Variants in FGF14 observed in about 807,000 individuals in gnomAD.
FGF14 encodes the protein fibroblast growth factor homologous factor 4.
FGF14 carries 5 observed loss-of-function variants against 25.5 expected under a neutral mutation model. The observed-to-expected ratio is 0.20, with a 90% CI of 0.10 to 0.41. The LOEUF (loss-of-function observed/expected upper bound fraction) is 0.41, where lower values mean the gene tolerates loss of function less well. Among genes scored for constraint, FGF14 ranks in the 10% least tolerant of loss-of-function variants. FGF14 has a pLI of 1.00. For missense variants in FGF14, 222 were observed against 320.1 expected (o/e 0.69, Z 2.34); for synonymous variants, 138 against 118.3 (o/e 1.17, Z -1.08).
chr13:101,910,224 C>T (rs2139067135), intron 1 of FGF14, among the ~76,000 whole-genome samples: 1 of 151,788 alleles, frequency 6.6e-6, no homozygotes, highest in Middle Eastern at 3.4e-3. Context: ...GCACATGTAC[C>T]CTAAAACATA....
intron 1 of FGF14, among the ~76,000 whole-genome samples, chr13:102,048,679 C>T (rs2042095774): frequency 6.6e-6 from 1 of 152,106 alleles, no homozygotes; most frequent in African/African-American, 2.4e-5. Context: ...AAGGAGCAGG[C>T]CCATGCTATT....
intron 1 of FGF14, among the ~76,000 whole-genome samples, chr13:102,160,035 A>G (rs2047550004): frequency 1.3e-5 from 2 of 152,160 alleles, no homozygotes; most frequent in South Asian, 4.1e-4. Context: ...CTCATCTCTT[A>G]TTCAAGGCTG....
intron 1 of FGF14, among the ~76,000 whole-genome samples, chr13:101,980,007 C>A (rs1594893475): frequency 1.3e-5 from 2 of 152,276 alleles, no homozygotes; most frequent in Middle Eastern, 6.8e-3. Flanking sequence ...GTGAGGCAAC[C>A]AATACCATTT....
chr13:102,343,813 G>A (rs573349811), intron 1 of FGF14, among the ~76,000 whole-genome samples: 1 of 152,234 alleles, frequency 6.6e-6, no homozygotes, highest in African/African-American at 2.4e-5. Flanking sequence ...AAAAAGAAAA[G>A]CCATTCAAGG....
chr13:102,091,765 G>A (rs1458808259), intron 1 of FGF14, among the ~76,000 whole-genome samples: 1 of 152,066 alleles, frequency 6.6e-6, no homozygotes, highest in Admixed American at 6.5e-5. Context: ...GCTTCCTGAA[G>A]TTGCTACTTC....
intron 1 of FGF14, among the ~76,000 whole-genome samples, chr13:102,093,131 T>A (rs1032926268): frequency 6.6e-6 from 1 of 152,088 alleles, no homozygotes; most frequent in Non-Finnish European, 1.5e-5. Flanking sequence ...ATTAGAAAAA[T>A]TTGTGGAGAT....
chr13:101,856,852 T>G (rs1334975961), intron 3 of FGF14, among the ~76,000 whole-genome samples: 1 of 152,024 alleles, frequency 6.6e-6, no homozygotes, highest in African/African-American at 2.4e-5. Context: ...CCGATACTTT[T>G]GAACCATAAC....
At chr13:101,968,736 A>C (rs1176376037) in intron 1 of FGF14, among the ~76,000 whole-genome samples, 1 of 151,978 alleles carries the variant, frequency 6.6e-6, no homozygotes, top group African/African-American at 2.4e-5. Context: ...GAATACCACA[A>C]TTACAAAAGT....
At chr13:101,886,902 G>T (rs2046016593) in intron 1 of FGF14, among the ~76,000 whole-genome samples, 1 of 152,020 alleles carries the variant, frequency 6.6e-6, no homozygotes, top group Admixed American at 6.6e-5. Context: ...AGACATTCTT[G>T]AAAGAAGACA....
At chr13:101,997,655 C>T (rs193059569) in intron 1 of FGF14, among the ~76,000 whole-genome samples, 16 of 152,102 alleles carry the variant, frequency 1.1e-4, no homozygotes, top group African/African-American at 3.4e-4. Flanking sequence ...GTTGCTAGTC[C>T]GGGGAGCACA....
intron 3 of FGF14, among the ~76,000 whole-genome samples, chr13:101,754,670 A>G (rs1021856421): frequency 4.0e-5 from 6 of 151,766 alleles, no homozygotes; most frequent in Admixed American, 3.9e-4. Context: ...CGGAGATTGC[A>G]GTGACCCGAG....
chr13:102,072,442 G>A (rs553369108), intron 1 of FGF14, among the ~76,000 whole-genome samples: 4 of 152,106 alleles, frequency 2.6e-5, no homozygotes, highest in Non-Finnish European at 4.4e-5. Flanking sequence ...GAATCATCAA[G>A]AACAAAAGTA....
At chr13:102,248,256 A>T (rs2051985860) in intron 1 of FGF14, among the ~76,000 whole-genome samples, 1 of 152,186 alleles carries the variant, frequency 6.6e-6, no homozygotes, top group African/African-American at 2.4e-5. Context: ...AAGTTTTTTT[A>T]AAAGTATATA....
At chr13:101,852,681 TAAG>T (rs1195622669) in intron 3 of FGF14, among the ~76,000 whole-genome samples, 4 of 152,036 alleles carry the variant, frequency 2.6e-5, no homozygotes, top group Non-Finnish European at 5.9e-5. Context: ...TAATGACACA[TAAG>T]AAGAATACTT....
chr13:102,162,916 T>C (rs1424906429), intron 1 of FGF14, among the ~76,000 whole-genome samples: 6 of 152,088 alleles, frequency 3.9e-5, no homozygotes, highest in African/African-American at 1.4e-4. Context: ...TCCCCCTCAT[T>C]TGTATGTAGG....
At position 101,711,675 on chromosome 13, in the gene FGF14, A is replaced by G. The variant is rs2034473032; in HGVS notation, c.*11156T>C. On this transcript the variant is annotated 3_prime_UTR_variant, in exon 5 of 5. Transcript: ENST00000376143. ...TTCCTTTATTCTCTCTTCCATTCTC[A>G]TCTTTGAAGGTAAAATTTCATTTCT... 6.6e-6 allele frequency: 1 copy of G among 152,100 alleles called. No individual in the cohort carries two copies. The highest frequency in any genetic ancestry group is 1.5e-5 in the Non-Finnish European group (1 of 68,024). The allele number at this position is 152,100 out of a possible 1,614,324, so 9.4% of individuals were successfully genotyped here. A position where few individuals can be genotyped will look rare whatever the true frequency, so the allele number is the denominator to read the frequency against.
chr13:101,738,885 A>T (rs1408026187), intron 3 of FGF14, among the ~76,000 whole-genome samples: 2 of 150,120 alleles, frequency 1.3e-5, no homozygotes, highest in Admixed American at 6.7e-5. Context: ...ACATACACCA[A>T]TTGCAGTGTG....
At chr13:101,724,595 AAAATATATAT>A (rs1417867006) in intron 4 of FGF14, among the ~76,000 whole-genome samples, 31 of 35,168 alleles carry the variant, frequency 8.8e-4, no homozygotes, top group African/African-American at 2.4e-3. Flanking sequence ...GTATAATAAT[AAAATATATAT>A]ATATATATAT....
At chr13:102,202,181 G>A (rs563152678) in intron 1 of FGF14, among the ~76,000 whole-genome samples, 83 of 152,282 alleles carry the variant, frequency 5.5e-4, no homozygotes, top group Non-Finnish European at 9.6e-4. Context: ...GAAACCATGA[G>A]CCAGTTAAAC....
Sources: gnomAD v4.1 joint callset for allele counts (sites outside exome capture counted in the v4.1 genomes callset) on GRCh38, gnomAD v4.1.1 for gene constraint, MANE v1.5 for transcripts, NCBI Gene and HGNC (gene_info 2026-07-23, HGNC 2026-07-21) for gene names.